Variants in SS18 observed in about 807,000 individuals in gnomAD.
The protein encoded by SS18 is SS18 subunit of BAF chromatin remodeling complex.
SS18 carries 28 observed loss-of-function variants against 72.5 expected under a neutral mutation model. That is an observed-to-expected ratio of 0.39 (90% CI 0.29 to 0.53). The LOEUF (loss-of-function observed/expected upper bound fraction) is 0.53. Among genes scored for constraint, SS18 ranks in the 20% least tolerant of loss-of-function variants. The probability of loss-of-function intolerance (pLI) is 0.76; values close to 1 mark genes in which losing one functional copy is unlikely to be tolerated. For missense variants in SS18, 518 were observed against 535.3 expected (o/e 0.97, Z 0.32); for synonymous variants, 172 against 164.2 (o/e 1.05, Z -0.37).
At chr18:26,054,315 G>A (rs2053976073) in intron 4 of SS18, among the ~76,000 whole-genome samples, 2 of 152,098 alleles carry the variant, frequency 1.3e-5, no homozygotes, top group African/African-American at 4.8e-5. Flanking sequence ...AAGCAATTTG[G>A]CACTAACTGT....
At chr18:26,075,599 A>G (rs181138061) in intron 3 of SS18, among the ~76,000 whole-genome samples, 10 of 152,078 alleles carry the variant, frequency 6.6e-5, no homozygotes, top group African/African-American at 2.2e-4. Context: ...CTGACAAGTT[A>G]TCTATGAAAC....
chr18:26,044,198 A>G (rs2053779342), intron 5 of SS18, among the ~76,000 whole-genome samples: 1 of 152,230 alleles, frequency 6.6e-6, no homozygotes, highest in African/African-American at 2.4e-5. Context: ...TTATGTAATT[A>G]TAAGTAGTAC....
chr18:26,036,766 T>C (rs1264050991), intron 7 of SS18, among the ~76,000 whole-genome samples: 2 of 152,178 alleles, frequency 1.3e-5, no homozygotes, highest in Admixed American at 6.5e-5. Context: ...TGCTCTAGTA[T>C]TCTAATGTTC....
At chr18:26,029,643 C>T (rs1598532488) in intron 10 of SS18, among the ~76,000 whole-genome samples, 2 of 152,104 alleles carry the variant, frequency 1.3e-5, no homozygotes, top group South Asian at 2.1e-4. Context: ...TAGCAAGGAC[C>T]GATGGGGAAG....
At chr18:26,032,953 C>T (rs1216578158) in intron 9 of SS18, among the ~76,000 whole-genome samples, 3 of 152,086 alleles carry the variant, frequency 2.0e-5, no homozygotes, top group East Asian at 3.9e-4. Context: ...GAGGAATAAA[C>T]GATATTTACA....
chr18:26,085,363 T>C (rs1309988326), intron 2 of SS18, among the ~76,000 whole-genome samples: 2 of 152,144 alleles, frequency 1.3e-5, no homozygotes, highest in Non-Finnish European at 2.9e-5. Context: ...AGACACCACT[T>C]TTCAGCAACT....
At chr18:26,076,796 CAA>C (rs937734272) in intron 3 of SS18, among the ~76,000 whole-genome samples, 2 of 151,792 alleles carry the variant, frequency 1.3e-5, no homozygotes, top group African/African-American at 4.8e-5. Flanking sequence ...TTCAACATAA[CAA>C]AGAATGACTG....
rs538726703 is a variant in SS18 at position 26,053,119 on chromosome 18, G to A, written c.386-274C>T. On this transcript the variant is annotated intron_variant, in intron 4 of 10. Coordinates refer to ENST00000415083, the MANE Select transcript of SS18 (RefSeq NM_001007559.3). ...ATAAAAGAGCAAAACATATCATAAG[G>A]TTGGAGTAATTAACTATGAACATAA... Among the ~76,000 whole-genome samples, 56 of 152,144 alleles carry A rather than the reference G, an allele frequency of 3.7e-4. 1 individual carries two copies. The highest frequency in any genetic ancestry group is 1.6e-4 in the Non-Finnish European group (11 of 68,030).
intron 2 of SS18, among the ~76,000 whole-genome samples, chr18:26,086,310 G>A (rs754218622): frequency 6.6e-6 from 1 of 152,114 alleles, no homozygotes; most frequent in Non-Finnish European, 1.5e-5. Context: ...TTCTACAGCT[G>A]TGTTGACCAA....
chr18:26,077,260 T>C (rs953998060), intron 3 of SS18, among the ~76,000 whole-genome samples: 1 of 152,010 alleles, frequency 6.6e-6, no homozygotes, highest in Admixed American at 6.6e-5. Context: ...GATCTGATAT[T>C]ATGGGAAATA....
chr18:26,063,444 G>A (rs551015991), intron 3 of SS18, among the ~76,000 whole-genome samples: 16 of 152,226 alleles, frequency 1.1e-4, no homozygotes, highest in East Asian at 1.9e-4. Context: ...GTGTGAACCC[G>A]GGAGGTGGAG....
At chr18:26,046,357 C>T (rs937652455) in intron 5 of SS18, among the ~76,000 whole-genome samples, 10 of 151,810 alleles carry the variant, frequency 6.6e-5, no homozygotes, top group Middle Eastern at 3.4e-3. Flanking sequence ...CTCTTTTCCA[C>T]GGCTTAGCAA....
intron 3 of SS18, among the ~76,000 whole-genome samples, chr18:26,058,628 CA>C (rs371197114): frequency 6.6e-6 from 1 of 152,290 alleles, no homozygotes; most frequent in African/African-American, 2.4e-5. Flanking sequence ...TTTGTGAACA[CA>C]ATTCTCTTTG....
At chr18:26,023,554 G>A (rs2053390256) in intron 10 of SS18, 2 of 469,548 alleles carry the variant, frequency 4.3e-6, no homozygotes, top group South Asian at 3.9e-5. Context: ...TGTCTCCTTG[G>A]AAACAATGTA....
At chr18:26,045,685 T>G (rs1383811409) in intron 5 of SS18, among the ~76,000 whole-genome samples, 1 of 152,098 alleles carries the variant, frequency 6.6e-6, no homozygotes, top group East Asian at 1.9e-4. Context: ...AGTGTTCACT[T>G]TGCATAGTAG....
In SS18 at chr18:26,052,651, G is replaced by A; in HGVS notation, c.580C>T (p.Pro194Ser). ...TGGTTTGGCTGCATACTCATATTTG[G>A]TCTGGGACCATAGTTTCCCATTGGT... ...GQPMGNYGPR[P>S]NMSMQPNQGP... The change falls in exon 5 of 11, where the codon CCA becomes TCA. Residue 194 changes from proline to serine, a missense_variant. Pro to Ser is a moderately conservative substitution (Grantham distance 74). Coordinates refer to ENST00000415083, the MANE Select transcript of SS18 (RefSeq NM_001007559.3). The A allele has an allele frequency of 6.2e-7, 1 of 1,614,022 alleles. No individual in the cohort carries two copies.
At chr18:26,088,101 A>G (rs2054648161) in intron 1 of SS18, among the ~76,000 whole-genome samples, 1 of 152,232 alleles carries the variant, frequency 6.6e-6, no homozygotes, top group Non-Finnish European at 1.5e-5. Context: ...TTGGAATGAT[A>G]TCGTGTTTAA....
chr18:26,054,352 A>C (rs1392376815), intron 4 of SS18, among the ~76,000 whole-genome samples: 2 of 152,280 alleles, frequency 1.3e-5, no homozygotes, highest in Admixed American at 1.3e-4. Flanking sequence ...TATACCTTTA[A>C]CCCAGCAATT....
chr18:26,034,138 A>C (rs1214156772), intron 9 of SS18, among the ~76,000 whole-genome samples: 1 of 152,180 alleles, frequency 6.6e-6, no homozygotes, highest in East Asian at 1.9e-4. Context: ...TGAGGGGGCA[A>C]GAGAATTTCA....
Sources: gnomAD v4.1 joint callset for allele counts (sites outside exome capture counted in the v4.1 genomes callset) on GRCh38, gnomAD v4.1.1 for gene constraint, MANE v1.5 for transcripts, NCBI Gene and HGNC (gene_info 2026-07-23, HGNC 2026-07-21) for gene names.